Variants in MAST4 observed in about 807,000 individuals in gnomAD.
MAST4 encodes the protein microtubule associated serine/threonine kinase family member 4, also known as microtubule-associated serine/threonine-protein kinase 4.
A neutral mutation model predicts 162.7 loss-of-function variants in MAST4; 89 were observed. The observed-to-expected ratio is 0.55, with a 90% CI of 0.46 to 0.65. The LOEUF is 0.65. Among genes scored for constraint, MAST4 ranks in the 30% least tolerant of loss-of-function variants. The pLI is 0.00. For synonymous variants in MAST4, 1,479 were observed against 1,361.1 expected, an observed-to-expected ratio of 1.09 and a Z score of -1.91; for missense variants, 3,153 against 3,374.0, an observed-to-expected ratio of 0.93 and a Z score of 1.62.
At chr5:67,021,365 C>T (rs1753959615) in intron 4 of MAST4, among the ~76,000 whole-genome samples, 1 of 152,112 alleles carries the variant, frequency 6.6e-6, no homozygotes. Flanking sequence ...GCAACGTATC[C>T]CAATTTAGCT....
chr5:66,720,473 CTTTGAT>C (rs1561285148), intron 1 of MAST4, among the ~76,000 whole-genome samples: 1 of 152,034 alleles, frequency 6.6e-6, no homozygotes, highest in Non-Finnish European at 1.5e-5. Context: ...GGAATTGTCT[CTTTGAT>C]TCAATGTATT....
chr5:66,722,854 T>C (rs914513954), intron 1 of MAST4, among the ~76,000 whole-genome samples: 4 of 152,156 alleles, frequency 2.6e-5, no homozygotes, highest in African/African-American at 9.7e-5. Context: ...ATACCCTCCT[T>C]ACTTCCGAGT....
intron 1 of MAST4, among the ~76,000 whole-genome samples, chr5:66,736,256 G>A (rs533576424): frequency 4.6e-5 from 7 of 152,102 alleles, no homozygotes; most frequent in African/African-American, 1.7e-4. Context: ...CTAAGAAAGA[G>A]GCAAAAGATG....
chr5:66,682,483 G>A (rs1231540356), intron 1 of MAST4, among the ~76,000 whole-genome samples: 2 of 152,206 alleles, frequency 1.3e-5, no homozygotes, highest in Non-Finnish European at 2.9e-5. Flanking sequence ...TTAGGGCTCT[G>A]GAGTCAGATC....
intron 5 of MAST4, among the ~76,000 whole-genome samples, chr5:67,065,779 GC>G (rs1163057076): frequency 6.6e-6 from 1 of 152,190 alleles, no homozygotes; most frequent in African/African-American, 2.4e-5. Context: ...GCTTTATGAT[GC>G]TTTAATGCAG....
chr5:67,091,804 A>G (rs1169485288), intron 6 of MAST4, among the ~76,000 whole-genome samples: 1 of 152,072 alleles, frequency 6.6e-6, no homozygotes, highest in Non-Finnish European at 1.5e-5. Context: ...AAAAAAATAC[A>G]TAACCCCCCC....
intron 2 of MAST4, among the ~76,000 whole-genome samples, chr5:66,769,818 G>A (rs26389): frequency 0.76 from 115,982 of 152,114 alleles, 45,221 homozygotes; most frequent in Non-Finnish European, 0.85. Context: ...GATCTTTACA[G>A]TTCTCCTGAT....
At chr5:66,981,600 A>C (rs899468423) in intron 4 of MAST4, among the ~76,000 whole-genome samples, 2 of 152,230 alleles carry the variant, frequency 1.3e-5, no homozygotes, top group East Asian at 3.8e-4. Flanking sequence ...ATTGGCCAGA[A>C]GCTTCAGATG....
chr5:67,116,230 A>G (rs1766897187), intron 12 of MAST4, among the ~76,000 whole-genome samples: 1 of 151,840 alleles, frequency 6.6e-6, no homozygotes, highest in South Asian at 2.1e-4. Context: ...TTTGGAGATG[A>G]AGACTTGCTT....
At chr5:67,080,810 A>C (rs1762505182) in intron 5 of MAST4, among the ~76,000 whole-genome samples, 1 of 150,794 alleles carries the variant, frequency 6.6e-6, no homozygotes, top group Non-Finnish European at 1.5e-5. Flanking sequence ...CATGAGATGC[A>C]CAGATTTTAA....
At chr5:67,092,823 C>G (rs1454160474) in intron 6 of MAST4, among the ~76,000 whole-genome samples, 1 of 147,594 alleles carries the variant, frequency 6.8e-6, no homozygotes, top group African/African-American at 2.6e-5. Flanking sequence ...GTCAGGCCTA[C>G]TAAAGATCAT....
intron 3 of MAST4, among the ~76,000 whole-genome samples, chr5:66,892,108 C>A (rs1486529036): frequency 6.6e-6 from 1 of 152,232 alleles, no homozygotes; most frequent in Non-Finnish European, 1.5e-5. Flanking sequence ...CATTATGCAT[C>A]ATTTTGCATT....
intron 4 of MAST4, among the ~76,000 whole-genome samples, chr5:66,913,893 ATTTC>A (rs1209365514): frequency 6.6e-6 from 1 of 152,120 alleles, no homozygotes; most frequent in East Asian, 1.9e-4. Flanking sequence ...TGAACAGGCT[ATTTC>A]TTTCTCCTCT....
chr5:66,647,278 G>GGT, intron 1 of MAST4, among the ~76,000 whole-genome samples: 1 of 152,232 alleles, frequency 6.6e-6, no homozygotes, highest in South Asian at 2.1e-4. Context: ...TTAAAGAAAT[G>GGT]GTGAGGTAGG....
intron 4 of MAST4, among the ~76,000 whole-genome samples, chr5:67,052,615 A>G (rs1259221483): frequency 6.6e-6 from 1 of 152,136 alleles, no homozygotes; most frequent in Non-Finnish European, 1.5e-5. Flanking sequence ...TTTCACTGAT[A>G]TATCTAGTTA....
rs375407186 is a variant in MAST4 at position 66,714,782 on chromosome 5, T to G, written c.364-44927T>G. On this transcript the variant is annotated intron_variant, in intron 1 of 28. Transcript: ENST00000403625. Reference sequence around the variant, plus strand: ...ACACTGAGTGGGAGCCCCTGCTCACTTCCGGTCACTGGAGAAACAGTCTGG... The same window carrying G: ...ACACTGAGTGGGAGCCCCTGCTCACGTCCGGTCACTGGAGAAACAGTCTGG... Among the ~76,000 whole-genome samples, 270 of 152,366 alleles carry G rather than the reference T, an allele frequency of 1.8e-3. 1 individual carries two copies. Among genetic ancestry groups the G allele is most frequent in the African/African-American group, 6.1e-3 (254 of 41,596 alleles).
rs945875041 is a variant in MAST4 at position 66,864,643 on chromosome 5, G to T, written c.643-35308G>T. Among the ~76,000 whole-genome samples, 40 of 118,534 alleles carry T rather than the reference G, an allele frequency of 3.4e-4. No homozygotes were observed. The Middle Eastern group carries it at 0.012, about 35-fold the overall frequency. 77.8% of individuals were successfully genotyped at this position (118,534 alleles called of 152,430 possible). A position where few individuals can be genotyped will look rare whatever the true frequency, so the allele number is the denominator to read the frequency against. On this transcript the variant is annotated intron_variant, in intron 3 of 28. Transcript: ENST00000403625. Reference sequence around the variant, plus strand: ...CAGATGGTGTTATGGGTTGAATTATGTCCCCCCCCGAAAATACATGGAAGT... The same window carrying T: ...CAGATGGTGTTATGGGTTGAATTATTTCCCCCCCCGAAAATACATGGAAGT...
At chr5:66,976,701 A>G (rs74464596) in intron 4 of MAST4, among the ~76,000 whole-genome samples, 3,201 of 152,316 alleles carry the variant, frequency 0.021, 101 homozygotes, top group African/African-American at 0.07. Flanking sequence ...GACAATTAAC[A>G]TCCCCACAGT....
In MAST4 at chr5:67,165,104, A is replaced by G; in HGVS notation, c.5925A>G (p.Glu1975=). ...REKPGLRESS[E]RGPPTARSER... The stretch of plus-strand genomic sequence containing the variant: ...AGCCAGGCCTGAGGGAATCGTCTGA[A>G]AGAGGCCCTCCCACAGCCAGAAGCG... The change falls in exon 29 of 29, where the codon GAA becomes GAG. Residue 1975 remains glutamate (E), a synonymous_variant. Coordinates refer to ENST00000403625, the MANE Select transcript of MAST4 (RefSeq NM_001164664.2). The G allele has an allele frequency of 6.3e-7, 1 of 1,591,634 alleles. No individual in the cohort carries two copies. The highest frequency in any genetic ancestry group is 8.6e-7 in the Non-Finnish European group (1 of 1,168,862).
Sources: allele counts gnomAD v4.1 joint callset (sites outside exome capture counted in the v4.1 genomes callset), GRCh38; gene constraint gnomAD v4.1.1; transcripts MANE v1.5; gene names NCBI Gene and HGNC (gene_info 2026-07-23, HGNC 2026-07-21).